NPAS3: variants seen among roughly 807,000 people sequenced by gnomAD.
NPAS3 encodes neuronal PAS domain-containing protein 3.
A neutral mutation model predicts 73.1 loss-of-function variants in NPAS3; 14 were observed. The ratio of observed to expected loss-of-function variants is 0.19; its 90% CI spans 0.13 to 0.30. The LOEUF (loss-of-function observed/expected upper bound fraction) is 0.30. NPAS3 is among the 10% of genes least tolerant of loss of function. The pLI, the probability that NPAS3 is intolerant of heterozygous loss-of-function variation, is 1.00. For synonymous variants in NPAS3, 620 were observed against 541.5 expected (o/e 1.14, Z -2.01); for missense variants, 1,096 against 1,250.0 (o/e 0.88, Z 1.86).
At chr14:33,655,510 TGAATATATGAAAAACA>T (rs1567093945) in intron 5 of NPAS3, among the ~76,000 whole-genome samples, 1 of 152,140 alleles carries the variant, frequency 6.6e-6, no homozygotes, top group Non-Finnish European at 1.5e-5. Flanking sequence ...TATTCTTGCC[TGAATATATGAAAAACA>T]AAATATATGA....
intron 7 of NPAS3, among the ~76,000 whole-genome samples, chr14:33,740,213 A>G (rs1427906355): frequency 6.6e-6 from 1 of 152,196 alleles, no homozygotes; most frequent in Non-Finnish European, 1.5e-5. Flanking sequence ...TAATCATTTT[A>G]GAAAATTATC....
At chr14:33,459,163 G>A (rs1230617464) in intron 4 of NPAS3, among the ~76,000 whole-genome samples, 1 of 152,122 alleles carries the variant, frequency 6.6e-6, no homozygotes, top group Admixed American at 6.5e-5. Flanking sequence ...GGTCACTCTT[G>A]TTGCCATTTT....
chr14:33,470,488 T>C (rs953757716), intron 4 of NPAS3, among the ~76,000 whole-genome samples: 1 of 152,118 alleles, frequency 6.6e-6, no homozygotes, highest in Admixed American at 6.6e-5. Context: ...GTCCAAAGAA[T>C]CAAGTTTTGC....
intron 5 of NPAS3, among the ~76,000 whole-genome samples, chr14:33,629,076 T>A (rs2058302864): frequency 1.3e-5 from 2 of 151,492 alleles, no homozygotes; most frequent in African/African-American, 4.9e-5. Context: ...CTAAAAAAAA[T>A]ACCAAAAAAA....
Position 33,104,468 on chromosome 14 carries a change from A to G in NPAS3, c.140+48474A>G, listed in dbSNP as rs1386771178. On this transcript the variant is annotated intron_variant, in intron 2 of 11. Coordinates refer to ENST00000356141, the Ensembl canonical transcript of NPAS3. ...AATTTTATATATAGTGAACTTGTCA[A>G]AAAGAAACTACAAATTTCTTCTGTG... Among the ~76,000 whole-genome samples the G allele has an allele frequency of 3.3e-5, 5 of 152,340 alleles. No homozygotes were observed. In the East Asian group the frequency reaches 9.6e-4, roughly 29 times the overall value.
intron 4 of NPAS3, among the ~76,000 whole-genome samples, chr14:33,504,800 G>T (rs1228711124): frequency 6.6e-6 from 1 of 151,940 alleles, no homozygotes; most frequent in Non-Finnish European, 1.5e-5. Flanking sequence ...CAAGTAAATT[G>T]GCAATTACAA....
At chr14:33,624,161 C>T (rs1349735798) in intron 5 of NPAS3, among the ~76,000 whole-genome samples, 2 of 152,130 alleles carry the variant, frequency 1.3e-5, no homozygotes, top group Non-Finnish European at 2.9e-5. Context: ...TCAGTTATTG[C>T]TTTTGTTGAT....
At chr14:33,629,245 A>G (rs889137733) in intron 5 of NPAS3, among the ~76,000 whole-genome samples, 4 of 151,884 alleles carry the variant, frequency 2.6e-5, no homozygotes, top group Non-Finnish European at 5.9e-5. Flanking sequence ...AAAAAAAAAA[A>G]AAAAAGAAAA....
rs576246159 is a variant in NPAS3, at chr14:33,143,535, T to C, written c.141-71647T>C. 2.0e-5 allele frequency among the ~76,000 whole-genome samples: 3 copies of C among 152,262 alleles called. No homozygotes were observed. The South Asian group carries it at 6.2e-4, about 32-fold the overall frequency. ...TGTTCTCTTAGCTTTTCAATCCTTT[T>C]CATAAAACCTATTATTGTTTGCAAT... On this transcript the variant is annotated intron_variant, in intron 2 of 11. Transcript: ENST00000356141.
chr14:33,780,541 G>A, intron 9 of NPAS3: 1 of 427,840 alleles, frequency 2.3e-6, no homozygotes, highest in Non-Finnish European at 4.6e-6. Flanking sequence ...AGAAACCTGA[G>A]GCTGACAAAA....
chr14:33,626,343 C>A (rs544544522), intron 5 of NPAS3, among the ~76,000 whole-genome samples: 1 of 152,140 alleles, frequency 6.6e-6, no homozygotes, highest in African/African-American at 2.4e-5. Flanking sequence ...TTGCCTTTCT[C>A]TTAACAGAGG....
chr14:33,551,455 G>T (rs1440225523), intron 4 of NPAS3, among the ~76,000 whole-genome samples: 2 of 152,182 alleles, frequency 1.3e-5, no homozygotes, highest in Non-Finnish European at 2.9e-5. Context: ...AGCACTGTGG[G>T]TTTCCCTGCC....
intron 4 of NPAS3, among the ~76,000 whole-genome samples, chr14:33,559,605 A>G (rs756560632): frequency 6.6e-6 from 1 of 152,262 alleles, no homozygotes; most frequent in Non-Finnish European, 1.5e-5. Flanking sequence ...AATGACAGAG[A>G]CATAAGTCCC....
In NPAS3 at chr14:33,463,245, C is replaced by G. The variant is rs149290702; in HGVS notation, c.468+95977C>G. 2.0e-4 allele frequency among the ~76,000 whole-genome samples: 31 copies of G among 152,270 alleles called. No homozygotes were observed. In the East Asian group the frequency reaches 5.4e-3, roughly 27 times the overall value. On this transcript the variant is annotated intron_variant, in intron 4 of 11. Transcript: ENST00000356141. ...GCCACTGAACAAATCTGTAGTAATC[C>G]TTTCTAAGTAGCCATCATCCAACCA... is the stretch of plus-strand genomic sequence containing the variant.
At chr14:33,771,424 G>A (rs968113737) in intron 7 of NPAS3, among the ~76,000 whole-genome samples, 1 of 151,924 alleles carries the variant, frequency 6.6e-6, no homozygotes, top group Non-Finnish European at 1.5e-5. Flanking sequence ...TTTCTTTTTA[G>A]TTTATATTAC....
intron 1 of NPAS3, among the ~76,000 whole-genome samples, chr14:32,976,608 C>T (rs1466762181): frequency 1.3e-5 from 2 of 152,178 alleles, no homozygotes; most frequent in Non-Finnish European, 2.9e-5. Context: ...ATCCATATCT[C>T]TTTCCAGCTG....
At chr14:33,625,979 C>T (rs551548988) in intron 5 of NPAS3, among the ~76,000 whole-genome samples, 2 of 152,244 alleles carry the variant, frequency 1.3e-5, no homozygotes, top group East Asian at 3.9e-4. Flanking sequence ...AAATGGTTAA[C>T]CAATGATAAA....
At chr14:33,055,468 A>C (rs2138529961) in intron 1 of NPAS3, among the ~76,000 whole-genome samples, 1 of 152,296 alleles carries the variant, frequency 6.6e-6, no homozygotes, top group East Asian at 1.9e-4. Context: ...AAATATATTA[A>C]CTCGACCAAG....
At chr14:33,007,544 G>A (rs2039041098) in intron 1 of NPAS3, among the ~76,000 whole-genome samples, 1 of 152,192 alleles carries the variant, frequency 6.6e-6, no homozygotes, top group African/African-American at 2.4e-5. Flanking sequence ...CATAGTTTCA[G>A]TTGTGGAATT....
Sources: gnomAD v4.1 joint callset for allele counts (sites outside exome capture counted in the v4.1 genomes callset) on GRCh38, gnomAD v4.1.1 for gene constraint, MANE v1.5 for transcripts, NCBI Gene and HGNC (gene_info 2026-07-23, HGNC 2026-07-21) for gene names.